SASH1: variants seen among roughly 807,000 people sequenced by gnomAD.
SASH1 encodes SAM and SH3 domain-containing protein 1.
A neutral mutation model predicts 125.2 loss-of-function variants in SASH1; 44 were observed. The ratio of observed to expected loss-of-function variants is 0.35; its 90% CI spans 0.28 to 0.45. The LOEUF (loss-of-function observed/expected upper bound fraction) is 0.45. SASH1 is among the 20% of genes least tolerant of loss of function. The pLI is 1.00. For synonymous variants in SASH1, 639 were observed against 649.1 expected, an observed-to-expected ratio of 0.98 and a Z score of 0.24; for missense variants, 1,426 against 1,614.5, an observed-to-expected ratio of 0.88 and a Z score of 2.00.
In SASH1 at chr6:148,326,323, CATATATATATATATATATATAT is replaced by C. The variant is rs56276306; in HGVS notation, n.74+53959_74+53980del. ...GATTACAGGAGTGAGCCACCGCATG[CATATATATATATATATATATAT>C]ATATATATATATGCATATATATATA... On this transcript the variant is annotated intron_variant and non_coding_transcript_variant, in intron 1 of 3. Coordinates refer to the SASH1 transcript ENST00000367469. Among the ~76,000 whole-genome samples the C allele has an allele frequency of 2.1e-3, 21 of 9,826 alleles. 2 individuals are homozygous for C. In the East Asian group the frequency reaches 0.055, roughly 26 times the overall value. 6.4% of individuals were successfully genotyped at this position (9,826 alleles called of 152,430 possible).
At chr6:148,276,985 A>G (rs4077019) in intron 1 of SASH1, among the ~76,000 whole-genome samples, 80,306 of 152,072 alleles carry the variant, frequency 0.53, 21,416 homozygotes, top group East Asian at 0.69. Flanking sequence ...ACTATGTGCC[A>G]GGCACTGTTC....
intron 1 of SASH1, among the ~76,000 whole-genome samples, chr6:148,287,268 A>G (rs923245771): frequency 3.9e-5 from 6 of 152,182 alleles, no homozygotes; most frequent in African/African-American, 1.4e-4. Context: ...CTCTACTATC[A>G]GTATTCAGCG....
chr6:148,499,778 G>A (rs1186973789), intron 8 of SASH1, among the ~76,000 whole-genome samples: 1 of 152,192 alleles, frequency 6.6e-6, no homozygotes, highest in Non-Finnish European at 1.5e-5. Context: ...ATTAGGTCAA[G>A]TAATATGAAG....
chr6:148,367,021 G>A (rs1179053402), intron 1 of SASH1, among the ~76,000 whole-genome samples: 2 of 138,178 alleles, frequency 1.4e-5, no homozygotes, highest in Non-Finnish European at 3.0e-5. Flanking sequence ...GCCCAGGCTG[G>A]AGTGCAATGG....
At chr6:148,207,571 G>A in the SASH1 span, among the ~76,000 whole-genome samples, 1 of 152,210 alleles carries the variant, frequency 6.6e-6, no homozygotes, top group Non-Finnish European at 1.5e-5. Context: ...GGCCCTGGGA[G>A]GAGGTATGAC....
At chr6:148,346,928 C>T (rs1376299513) in intron 1 of SASH1, among the ~76,000 whole-genome samples, 3 of 152,192 alleles carry the variant, frequency 2.0e-5, no homozygotes, top group Non-Finnish European at 4.4e-5. Flanking sequence ...TGTCACTTCT[C>T]CCTGTGACAT....
intron 18 of SASH1, among the ~76,000 whole-genome samples, chr6:148,545,623 C>A (rs1021499935): frequency 1.3e-5 from 2 of 152,178 alleles, no homozygotes; most frequent in Non-Finnish European, 2.9e-5. Flanking sequence ...CTGATTGAGG[C>A]GAAGGCATTG....
chr6:148,451,669 A>G (rs562048291), intron 4 of SASH1, among the ~76,000 whole-genome samples: 1 of 152,222 alleles, frequency 6.6e-6, no homozygotes, highest in Non-Finnish European at 1.5e-5. Flanking sequence ...AACAGACGAC[A>G]TAATACCTTC....
intron 2 of SASH1, among the ~76,000 whole-genome samples, chr6:148,413,897 TA>T (rs953452912): frequency 1.2e-3 from 173 of 142,082 alleles, no homozygotes; most frequent in Middle Eastern, 3.6e-3. Context: ...TGACGAAGCA[TA>T]AAAAAAAAAA....
At chr6:148,356,287 G>A (rs921124216) in intron 1 of SASH1, among the ~76,000 whole-genome samples, 2 of 151,288 alleles carry the variant, frequency 1.3e-5, no homozygotes, top group Non-Finnish European at 2.9e-5. Flanking sequence ...GTTTCACCAT[G>A]TTGGCCAGGC....
intron 4 of SASH1, among the ~76,000 whole-genome samples, chr6:148,457,981 C>T (rs528534748): frequency 6.6e-6 from 1 of 152,276 alleles, no homozygotes; most frequent in South Asian, 2.1e-4. Context: ...CAGGTCTCAC[C>T]CCTGTTGGCG....
chr6:148,335,720 T>G (rs1435702603), intron 1 of SASH1, among the ~76,000 whole-genome samples: 1 of 152,082 alleles, frequency 6.6e-6, no homozygotes, highest in East Asian at 1.9e-4. Context: ...AGAGTAGGTT[T>G]TCCATAAATG....
the SASH1 span, among the ~76,000 whole-genome samples, chr6:148,264,599 T>A: frequency 6.6e-6 from 1 of 152,346 alleles, no homozygotes; most frequent in East Asian, 1.9e-4. Context: ...TTGTGGCCTC[T>A]TGTCATGTTG....
At chr6:148,249,353 T>G in the SASH1 span, among the ~76,000 whole-genome samples, 14 of 152,100 alleles carry the variant, frequency 9.2e-5, no homozygotes, top group East Asian at 2.3e-3. Context: ...TGTGCATGCA[T>G]CACACACACA....
At chr6:148,393,302 T>G (rs766901838) in intron 2 of SASH1, among the ~76,000 whole-genome samples, 4 of 151,588 alleles carry the variant, frequency 2.6e-5, no homozygotes, top group Non-Finnish European at 4.4e-5. Context: ...TCAGGTGATC[T>G]GCCCGCCTTG....
chr6:148,382,392 T>G (rs552349940), intron 1 of SASH1, among the ~76,000 whole-genome samples: 1 of 152,180 alleles, frequency 6.6e-6, no homozygotes, highest in East Asian at 1.9e-4. Flanking sequence ...TGGGTTCAAG[T>G]GATTCTCCAG....
chr6:148,359,899 C>A (rs191364426), intron 1 of SASH1, among the ~76,000 whole-genome samples: 1 of 152,290 alleles, frequency 6.6e-6, no homozygotes, highest in East Asian at 1.9e-4. Context: ...GCTGGGACTA[C>A]AGGTGCCCGC....
intron 2 of SASH1, among the ~76,000 whole-genome samples, chr6:148,403,784 G>A (rs1784271497): frequency 6.6e-6 from 1 of 152,038 alleles, no homozygotes; most frequent in Admixed American, 6.5e-5. Flanking sequence ...CACCCACCTC[G>A]ACCTCCCGAA....
chr6:148,216,380 G>A, the SASH1 span, among the ~76,000 whole-genome samples: 1 of 151,660 alleles, frequency 6.6e-6, no homozygotes, highest in Non-Finnish European at 1.5e-5. Flanking sequence ...GTGCAGATTG[G>A]GTTTTTAATA....
Sources: gnomAD v4.1 joint callset for allele counts (sites outside exome capture counted in the v4.1 genomes callset) on GRCh38, gnomAD v4.1.1 for gene constraint, MANE v1.5 for transcripts, NCBI Gene and HGNC (gene_info 2026-07-23, HGNC 2026-07-21) for gene names.